The following TANC2 variants were observed in gnomAD, a reference collection of about 807,000 sequenced individuals.
The protein encoded by TANC2 is tetratricopeptide repeat, ankyrin repeat and coiled-coil containing 2.
A neutral mutation model predicts 210.5 loss-of-function variants in TANC2; 26 were observed. That is an observed-to-expected ratio of 0.12 (90% confidence interval 0.09 to 0.17). TANC2 has a LOEUF of 0.17. Among genes scored for constraint, TANC2 ranks in the 10% least tolerant of loss-of-function variants. TANC2 has a pLI of 1.00. For missense variants in TANC2, 2,129 were observed against 2,608.9 expected (o/e 0.82, Z 4.01); for synonymous variants, 931 against 967.1 (o/e 0.96, Z 0.69).
intron 12 of TANC2, among the ~76,000 whole-genome samples, 162 bp downstream of exon 12, chr17:63,340,494 A>C (rs990868542): frequency 1.5e-5 from 2 of 135,854 alleles, no homozygotes; most frequent in African/African-American, 2.9e-5. Context: ...TTTTACTTGC[A>C]AAAAAAAAAA....
chr17:63,092,768 C>T (rs1242359582), intron 3 of TANC2, among the ~76,000 whole-genome samples: 1 of 152,070 alleles, frequency 6.6e-6, no homozygotes, highest in Non-Finnish European at 1.5e-5. Context: ...TATGAGGGAT[C>T]CCCCTCCGGC....
At position 63,237,721 on chromosome 17, in the gene TANC2, C is replaced by T. The variant is rs543592422; in HGVS notation, c.770-93C>T. 88 of 1,328,512 alleles carry T rather than the reference C, an allele frequency of 6.6e-5. No individual in the cohort carries two copies. In the African/African-American group the frequency reaches 1.2e-3, roughly 18 times the overall value. 82.3% of individuals were successfully genotyped at this position (1,328,512 alleles called of 1,614,324 possible). On this transcript the variant is annotated intron_variant, in intron 7 of 27. Transcript: ENST00000689528. The stretch of plus-strand genomic sequence containing the variant: ...AGCACCATTTTTTGAAAATGGTGTC[C>T]TTTCCCCAATGTGTGTTTTTATCAA...
chr17:63,235,059 G>A (rs776855641), intron 7 of TANC2, among the ~76,000 whole-genome samples: 28 of 151,860 alleles, frequency 1.8e-4, no homozygotes, highest in Non-Finnish European at 3.8e-4. Flanking sequence ...TTTTTCTGAG[G>A]TGATTTTTTT....
intron 2 of TANC2, among the ~76,000 whole-genome samples, chr17:63,013,120 G>A (rs1460089888): frequency 1.3e-5 from 2 of 150,880 alleles, no homozygotes; most frequent in African/African-American, 4.9e-5. Flanking sequence ...AAGTGCGGTA[G>A]TTATTTATAG....
intron 17 of TANC2, chr17:63,391,618 C>T (rs2047977120): frequency 6.6e-6 from 1 of 152,116 alleles, no homozygotes; most frequent in African/African-American, 2.4e-5. Flanking sequence ...TACATTCTAC[C>T]AAGCTGCTCT....
chr17:63,084,635 A>G (rs2036894769), intron 3 of TANC2, among the ~76,000 whole-genome samples: 2 of 152,196 alleles, frequency 1.3e-5, no homozygotes, highest in African/African-American at 2.4e-5. Flanking sequence ...ATTAAGCACT[A>G]TAAATTTCAG....
chr17:63,000,168 C>T (rs2033308358), intron 1 of TANC2, among the ~76,000 whole-genome samples: 1 of 152,132 alleles, frequency 6.6e-6, no homozygotes, highest in South Asian at 2.1e-4. Flanking sequence ...GTACGCCAAA[C>T]CCTGTCACAC....
At chr17:63,026,336 A>G (rs1452911530) in intron 2 of TANC2, among the ~76,000 whole-genome samples, 2 of 152,150 alleles carry the variant, frequency 1.3e-5, no homozygotes, top group African/African-American at 4.8e-5. Flanking sequence ...AGTACTTAGT[A>G]ATATTTGTTT....
intron 6 of TANC2, among the ~76,000 whole-genome samples, chr17:63,198,803 C>T (rs2041432090): frequency 2.0e-5 from 3 of 152,040 alleles, no homozygotes; most frequent in Admixed American, 1.3e-4. Flanking sequence ...AAAATCATTG[C>T]TCTGGTAGAC....
At chr17:63,392,876 A>G (rs992005485) in intron 17 of TANC2, among the ~76,000 whole-genome samples, 3 of 152,220 alleles carry the variant, frequency 2.0e-5, no homozygotes, top group Non-Finnish European at 4.4e-5. Context: ...AAAAAAATGC[A>G]TAGAGTTTCT....
At chr17:63,364,394 G>A (rs1266001389) in intron 14 of TANC2, among the ~76,000 whole-genome samples, 2 of 151,958 alleles carry the variant, frequency 1.3e-5, no homozygotes, top group African/African-American at 2.4e-5. Context: ...TTTGGAAAAA[G>A]CTGCTAATTA....
intron 11 of TANC2, among the ~76,000 whole-genome samples, chr17:63,324,345 AG>A (rs745453360): frequency 2.6e-5 from 4 of 152,198 alleles, no homozygotes; most frequent in African/African-American, 7.2e-5. Flanking sequence ...GTACTATACC[AG>A]GGGGTGTCAA....
At chr17:63,301,256 C>G (rs1044529121) in intron 9 of TANC2, among the ~76,000 whole-genome samples, 1 of 152,070 alleles carries the variant, frequency 6.6e-6, no homozygotes, top group African/African-American at 2.4e-5. Flanking sequence ...TGTTGTGTCT[C>G]TGCCAGGTTT....
chr17:63,219,995 A>G (rs1425495327), intron 7 of TANC2, among the ~76,000 whole-genome samples: 10 of 152,274 alleles, frequency 6.6e-5, no homozygotes, highest in African/African-American at 2.4e-4. Flanking sequence ...ATGGAACCAC[A>G]TAAAGAGTCC....
At chr17:63,067,269 C>A (rs891680358) in intron 2 of TANC2, among the ~76,000 whole-genome samples, 35 of 152,014 alleles carry the variant, frequency 2.3e-4, no homozygotes, top group Admixed American at 5.9e-4. Context: ...CAACAGATAC[C>A]AACTCCAAGA....
At chr17:63,100,890 A>T (rs1198662977) in intron 4 of TANC2, among the ~76,000 whole-genome samples, 1 of 152,218 alleles carries the variant, frequency 6.6e-6, no homozygotes, top group African/African-American at 2.4e-5. Flanking sequence ...TAATTGATTA[A>T]TGACATGTAT....
At chr17:62,992,382 T>C (rs1473095211) in intron 1 of TANC2, among the ~76,000 whole-genome samples, 3 of 152,372 alleles carry the variant, frequency 2.0e-5, no homozygotes, top group East Asian at 3.9e-4. Context: ...TTATGTGATA[T>C]GTTGTGAGAT....
At chr17:63,320,161 T>G (rs1342919559) in intron 11 of TANC2, among the ~76,000 whole-genome samples, 1 of 152,204 alleles carries the variant, frequency 6.6e-6, no homozygotes, top group African/African-American at 2.4e-5. Flanking sequence ...TCTTGAACGA[T>G]TTTGTTTTTC....
At chr17:63,083,627 A>G (rs950833450) in intron 3 of TANC2, among the ~76,000 whole-genome samples, 2 of 152,212 alleles carry the variant, frequency 1.3e-5, no homozygotes, top group African/African-American at 4.8e-5. Context: ...ACTCAGTACC[A>G]CTTCAGAACT....
Sources: allele counts gnomAD v4.1 joint callset (sites outside exome capture counted in the v4.1 genomes callset), GRCh38; gene constraint gnomAD v4.1.1; transcripts MANE v1.5; gene names NCBI Gene and HGNC (gene_info 2026-07-23, HGNC 2026-07-21).